LIN7A: variants seen among roughly 807,000 people sequenced by gnomAD.
The protein encoded by LIN7A is lin-7 cell polarity scaffold A, also known as protein lin-7 homolog A.
LIN7A carries 25 observed loss-of-function variants against 29.8 expected under a neutral mutation model. That is an observed-to-expected ratio of 0.84 (90% CI 0.61 to 1.17). The LOEUF (loss-of-function observed/expected upper bound fraction) is 1.17, where lower values mean the gene tolerates loss of function less well. Among genes scored for constraint, LIN7A ranks in the 50% most tolerant of loss-of-function variants. The probability of loss-of-function intolerance (pLI) is 0.00; values close to 1 mark genes in which losing one functional copy is unlikely to be tolerated. For synonymous variants in LIN7A, 118 were observed against 107.5 expected (o/e 1.10, Z -0.60); for missense variants, 239 against 287.0 (o/e 0.83, Z 1.21).
Position 80,811,489 on chromosome 12 carries a change from T to TTGTTGCTGCTGCTGC in LIN7A, c.663_677dup (p.Gln222_Gln226dup), listed in dbSNP as rs755266039. 1 of 1,533,584 alleles carries TTGTTGCTGCTGCTGC rather than the reference T, an allele frequency of 6.5e-7. No homozygotes were observed. Among genetic ancestry groups the TTGTTGCTGCTGCTGC allele is most frequent in the Non-Finnish European group, 8.9e-7 (1 of 1,118,904 alleles). 95.0% of individuals were successfully genotyped at this position (1,533,584 alleles called of 1,614,324 possible). A position where few individuals can be genotyped will look rare whatever the true frequency, so the allele number is the denominator to read the frequency against. ...CCTATGACATGTGGTTTTGTTGTGT[T>TTGTTGCTGCTGCTGC]TGTTGCTGCTGCTGCTGTTGCTGCT... On this transcript the variant is annotated inframe_insertion, in exon 5 of 6. Transcript: ENST00000552864.
chr12:80,800,256 G>A (rs1333557008), intron 5 of LIN7A, among the ~76,000 whole-genome samples: 13 of 152,054 alleles, frequency 8.5e-5, no homozygotes, highest in Non-Finnish European at 1.5e-5. Flanking sequence ...TTGGGAGGCC[G>A]AGGCTGGCGG....
At chr12:80,852,387 A>G (rs1427470048) in intron 2 of LIN7A, among the ~76,000 whole-genome samples, 2 of 152,126 alleles carry the variant, frequency 1.3e-5, no homozygotes, top group African/African-American at 2.4e-5. Flanking sequence ...AAGGGATGAC[A>G]AGCCTTTATT....
chr12:80,906,703 A>C (rs1592940501), intron 1 of LIN7A, among the ~76,000 whole-genome samples: 1 of 151,704 alleles, frequency 6.6e-6, no homozygotes, highest in Non-Finnish European at 1.5e-5. Flanking sequence ...GGATTGAAAA[A>C]CCACCTATCG....
intron 4 of LIN7A, among the ~76,000 whole-genome samples, chr12:80,824,844 G>A (rs556286708): frequency 3.9e-5 from 6 of 152,206 alleles, no homozygotes; most frequent in Admixed American, 6.5e-5. Context: ...CAGCAAAATC[G>A]GCATAGAAGG....
chr12:80,810,142 C>A (rs1031970405), intron 5 of LIN7A, among the ~76,000 whole-genome samples: 6 of 152,106 alleles, frequency 3.9e-5, no homozygotes, highest in Admixed American at 2.0e-4. Context: ...AAACTTGTAA[C>A]CTTTAGCTAA....
chr12:80,817,629 G>A (rs1358849155), intron 4 of LIN7A, among the ~76,000 whole-genome samples: 2 of 151,954 alleles, frequency 1.3e-5, no homozygotes, highest in Non-Finnish European at 2.9e-5. Flanking sequence ...AAGGGTATTA[G>A]GTAATTATAC....
In LIN7A at chr12:80,836,380, G is replaced by C. The variant is rs113396759; in HGVS notation, c.483+9350C>G. On this transcript the variant is annotated intron_variant, in intron 4 of 5. Transcript: ENST00000552864. ...CTAACACTATTAAAACTAGCTCCTG[G>C]CATGGTGGCTCAACATCTGTAATCC... Among the ~76,000 whole-genome samples the C allele has an allele frequency of 3.3e-3, 506 of 152,294 alleles. 3 individuals carry two copies. The highest frequency in any genetic ancestry group is 5.4e-3 in the Non-Finnish European group (366 of 68,024).
chr12:80,798,412 T>C (rs79200783), intron 5 of LIN7A, among the ~76,000 whole-genome samples: 2,219 of 152,296 alleles, frequency 0.015, 55 homozygotes, highest in African/African-American at 0.05. Context: ...AACAAAATTG[T>C]TCTGTTTACT....
At chr12:80,844,972 T>G (rs960993456) in intron 4 of LIN7A, among the ~76,000 whole-genome samples, 1 of 152,046 alleles carries the variant, frequency 6.6e-6, no homozygotes, top group African/African-American at 2.4e-5. Context: ...GGCGCGATGG[T>G]TCACGCCTGT....
intron 4 of LIN7A, among the ~76,000 whole-genome samples, chr12:80,829,374 G>A (rs985848166): frequency 6.6e-5 from 10 of 152,212 alleles, no homozygotes; most frequent in Admixed American, 3.3e-4. Flanking sequence ...TCCCGACATC[G>A]TTAATTTGCT....
At chr12:80,815,615 G>A (rs1176760709) in intron 4 of LIN7A, among the ~76,000 whole-genome samples, 1 of 152,210 alleles carries the variant, frequency 6.6e-6, no homozygotes, top group Non-Finnish European at 1.5e-5. Context: ...GTAAGTTTGA[G>A]CAATCACTGA....
chr12:80,888,615 TA>T (rs1295301776), intron 2 of LIN7A, among the ~76,000 whole-genome samples: 2 of 152,108 alleles, frequency 1.3e-5, no homozygotes, highest in Admixed American at 1.3e-4. Context: ...GGTTACCAAG[TA>T]AAACAATATA....
chr12:80,879,785 A>G (rs867839910), intron 2 of LIN7A, among the ~76,000 whole-genome samples: 1 of 152,226 alleles, frequency 6.6e-6, no homozygotes, highest in Middle Eastern at 3.4e-3. Flanking sequence ...TCAAAGTTGC[A>G]GCTCACACAG....
chr12:80,810,160 T>G (rs957974034), intron 5 of LIN7A, among the ~76,000 whole-genome samples: 14 of 152,198 alleles, frequency 9.2e-5, no homozygotes, highest in African/African-American at 2.9e-4. Flanking sequence ...TAAGACCTTT[T>G]CCCTTTTCTC....
intron 5 of LIN7A, among the ~76,000 whole-genome samples, chr12:80,802,460 T>C (rs1187383532): frequency 6.6e-6 from 1 of 152,176 alleles, no homozygotes; most frequent in African/African-American, 2.4e-5. Context: ...CATGCTAATT[T>C]CAATTCATTT....
intron 5 of LIN7A, among the ~76,000 whole-genome samples, chr12:80,807,092 G>GTTTTTTTTTTTTTTT (rs1280579757): frequency 1.5e-3 from 19 of 12,532 alleles, no homozygotes; most frequent in Admixed American, 6.5e-3. Context: ...TTTTTTTTTT[G>GTTTTTTTTTTTTTTT]ACGGAGTCTC....
At chr12:80,902,671 T>G (rs569535176) in intron 1 of LIN7A, among the ~76,000 whole-genome samples, 9 of 152,082 alleles carry the variant, frequency 5.9e-5, no homozygotes, top group Non-Finnish European at 1.0e-4. Context: ...CTGGACATTG[T>G]TGGTGTATAG....
Position 80,849,299 on chromosome 12 carries a change from C to A in LIN7A, c.202-977G>T, listed in dbSNP as rs181303708. 1.0e-3 allele frequency among the ~76,000 whole-genome samples: 157 copies of A among 152,284 alleles called. 2 individuals carry two copies. Among genetic ancestry groups the A allele is most frequent in the Non-Finnish European group, 7.4e-5 (5 of 68,014 alleles). The stretch of plus-strand genomic sequence containing the variant: ...CCTGAACAGCTGCTAAACGTACTTC[C>A]AGATTATTTCCTTGGAAATGCATTA... On this transcript the variant is annotated intron_variant, in intron 2 of 5. Transcript: ENST00000552864.
chr12:80,866,944 G>A (rs1427267463), intron 2 of LIN7A, among the ~76,000 whole-genome samples: 1 of 152,084 alleles, frequency 6.6e-6, no homozygotes, highest in African/African-American at 2.4e-5. Context: ...GGGCATTACT[G>A]GTTCCCATGT....
Sources: gnomAD v4.1 joint callset for allele counts (sites outside exome capture counted in the v4.1 genomes callset) on GRCh38, gnomAD v4.1.1 for gene constraint, MANE v1.5 for transcripts, NCBI Gene and HGNC (gene_info 2026-07-23, HGNC 2026-07-21) for gene names.